The following PPP2R2A variants were observed in gnomAD, a reference collection of about 807,000 sequenced individuals.
The protein encoded by PPP2R2A is serine/threonine-protein phosphatase 2A 55 kDa regulatory subunit B alpha isoform.
In PPP2R2A, 9 loss-of-function variants were observed where a neutral mutation model predicts 53.2. That is an observed-to-expected ratio of 0.17 (90% CI 0.10 to 0.30). The LOEUF (loss-of-function observed/expected upper bound fraction) is 0.30, where lower values mean the gene tolerates loss of function less well. Ranked by LOEUF, PPP2R2A falls within the 10% of genes least tolerant of loss-of-function variation. PPP2R2A has a pLI of 1.00. For missense variants in PPP2R2A, 235 were observed against 534.6 expected, an observed-to-expected ratio of 0.44 and a Z score of 5.53; for synonymous variants, 169 against 174.2, an observed-to-expected ratio of 0.97 and a Z score of 0.23.
intron 2 of PPP2R2A, among the ~76,000 whole-genome samples, chr8:26,322,919 C>T (rs1802912644): frequency 6.6e-6 from 1 of 152,204 alleles, no homozygotes; most frequent in Non-Finnish European, 1.5e-5. Context: ...ACTAAAAAGT[C>T]TCCAAGTCAC....
intron 3 of PPP2R2A, among the ~76,000 whole-genome samples, chr8:26,351,460 C>CT (rs1804508340): frequency 1.3e-5 from 2 of 152,120 alleles, no homozygotes; most frequent in African/African-American, 4.8e-5. Context: ...CAGTGTGTGC[C>CT]TAGTGCTCAA....
intron 2 of PPP2R2A, among the ~76,000 whole-genome samples, chr8:26,307,760 G>A (rs916032701): frequency 5.3e-5 from 8 of 152,212 alleles, no homozygotes; most frequent in South Asian, 2.1e-4. Flanking sequence ...GCATTATCTC[G>A]TTTAATCCTC....
At position 26,291,819 on chromosome 8, in the gene PPP2R2A, C is replaced by A. The variant is rs768442032; in HGVS notation, c.-1C>A. On this transcript the variant is annotated 5_prime_UTR_variant, in exon 1 of 10. Coordinates refer to ENST00000380737, the MANE Select transcript of PPP2R2A (RefSeq NM_002717.4). The stretch of plus-strand genomic sequence containing the variant: ...AGCAGGGTCACCATTTGCAGCGCAA[C>A]ATGGCAGGTAAAGGAGAAATCCCCC... The A allele has an allele frequency of 1.6e-5, 26 of 1,609,540 alleles. No homozygotes were observed. The highest frequency in any genetic ancestry group is 2.2e-5 in the Non-Finnish European group (26 of 1,178,326).
At chr8:26,312,530 C>G (rs947812421) in intron 2 of PPP2R2A, among the ~76,000 whole-genome samples, 4 of 152,178 alleles carry the variant, frequency 2.6e-5, no homozygotes, top group African/African-American at 9.7e-5. Context: ...ATAAATAGAT[C>G]TATTGTGCTG....
chr8:26,317,145 A>C (rs1802602416), intron 2 of PPP2R2A, among the ~76,000 whole-genome samples: 1 of 152,102 alleles, frequency 6.6e-6, no homozygotes, highest in East Asian at 1.9e-4. Context: ...CATTCCTGTC[A>C]TTCTCCCCTT....
chr8:26,319,635 G>A (rs899983101), intron 2 of PPP2R2A, among the ~76,000 whole-genome samples: 3 of 151,910 alleles, frequency 2.0e-5, no homozygotes, highest in Non-Finnish European at 2.9e-5. Context: ...CCATTCGTTG[G>A]TCTTGGCAGC....
chr8:26,360,262 C>A lies in PPP2R2A; in HGVS notation c.440C>A (p.Thr147Asn). Residue 147 changes from threonine to asparagine, a missense_variant, in exon 5 of 10, where the codon ACT (threonine) becomes AAT (asparagine). Physicochemically the swap from Thr to Asn is moderately conservative, Grantham distance 65. Transcript: ENST00000380737. The surrounding 1 kb of genome is among the most constrained non-coding windows in gnomAD (Gnocchi z 4.5). ...GAGGATGGAAGGTATAGAGATCCTA[C>A]TACAGTTACTACACTACGAGTAAGT... ...KEEDGRYRDP[T>N]TVTTLRVPVF... 1.3e-6 allele frequency: 2 copies of A among 1,595,288 alleles called. No individual in the cohort carries two copies. The highest frequency in any genetic ancestry group is 1.7e-6 in the Non-Finnish European group (2 of 1,165,538).
chr8:26,291,864 C>T (rs751394225), intron 1 of PPP2R2A, 38 bp downstream of exon 1: 1 of 1,606,922 alleles, frequency 6.2e-7, no homozygotes, highest in Non-Finnish European at 8.5e-7. Flanking sequence ...GACAAGGCAC[C>T]GCTTCCTTAT....
chr8:26,336,733 TAGCC>T (rs1408680237), intron 2 of PPP2R2A, among the ~76,000 whole-genome samples: 6 of 151,902 alleles, frequency 3.9e-5, no homozygotes, highest in Non-Finnish European at 8.8e-5. Context: ...TTTTAAAAAT[TAGCC>T]AGGTATGGTG....
intron 2 of PPP2R2A, among the ~76,000 whole-genome samples, chr8:26,308,915 C>T (rs1334680258): frequency 6.6e-6 from 1 of 152,010 alleles, no homozygotes; most frequent in African/African-American, 2.4e-5. Flanking sequence ...GGCTGCAGTG[C>T]AGTGGTGTGA....
chr8:26,318,789 A>G (rs984760288), intron 2 of PPP2R2A, among the ~76,000 whole-genome samples: 3 of 152,224 alleles, frequency 2.0e-5, no homozygotes, highest in African/African-American at 4.8e-5. Context: ...CATTAAGCCA[A>G]TGAATTAACT....
chr8:26,340,403 A>T (rs1012479250), intron 3 of PPP2R2A, among the ~76,000 whole-genome samples: 12 of 152,064 alleles, frequency 7.9e-5, no homozygotes, highest in African/African-American at 1.9e-4. Context: ...AGTTTAGAGC[A>T]GACCTTCCCA....
At chr8:26,339,019 A>G (rs1251498153) in intron 3 of PPP2R2A, 32 bp downstream of exon 3, 2 of 1,504,598 alleles carry the variant, frequency 1.3e-6, no homozygotes, top group East Asian at 4.5e-5. Flanking sequence ...TCTAAATTTC[A>G]GTTTGATCTT....
At chr8:26,358,881 G>C (rs984347341) in intron 4 of PPP2R2A, 15 of 455,596 alleles carry the variant, frequency 3.3e-5, no homozygotes, top group Non-Finnish European at 6.2e-5. Flanking sequence ...TCCCTACAGG[G>C]AGTATAACTT....
chr8:26,321,532 T>C lies in PPP2R2A; in HGVS notation c.83-17358T>C, dbSNP rs1444238325. 6.6e-6 allele frequency among the ~76,000 whole-genome samples: 1 copy of C among 152,190 alleles called. No individual in the cohort carries two copies. Among genetic ancestry groups the C allele is most frequent in the East Asian group, 1.9e-4 (1 of 5,198 alleles). On this transcript the variant is annotated intron_variant, in intron 2 of 9. Transcript: ENST00000380737. The surrounding 1 kb of genome is among the most constrained non-coding windows in gnomAD (Gnocchi z 4.1). ...CTTCAGAGGTTAGGTTACAGAAAGG[T>C]TTTGGCATCCATGTTGGGCTGCCCT...
rs529150392 is a variant in PPP2R2A at position 26,303,993 on chromosome 8, G to A, written c.82+10253G>A. On this transcript the variant is annotated intron_variant, in intron 2 of 9. Transcript: ENST00000380737. Reference sequence around the variant, plus strand: ...TGGAGTTTTCTCTTCTAGAATCTTCGAATGATCTCTCTTTTTCCAGTTCAC... The same window carrying A: ...TGGAGTTTTCTCTTCTAGAATCTTCAAATGATCTCTCTTTTTCCAGTTCAC... Among the ~76,000 whole-genome samples the A allele has an allele frequency of 1.1e-4, 17 of 152,240 alleles. No individual in the cohort carries two copies. In the East Asian group the frequency reaches 3.3e-3, roughly 29 times the overall value.
chr8:26,328,102 G>C (rs1803186181), intron 2 of PPP2R2A, among the ~76,000 whole-genome samples: 1 of 152,154 alleles, frequency 6.6e-6, no homozygotes, highest in African/African-American at 2.4e-5. Flanking sequence ...TAAAATTTCT[G>C]AGTAAGCTAA....
intron 2 of PPP2R2A, among the ~76,000 whole-genome samples, chr8:26,301,697 A>G (rs1484143552): frequency 6.6e-6 from 1 of 152,204 alleles, no homozygotes; most frequent in African/African-American, 2.4e-5. Context: ...TGCCATCAAA[A>G]TTGATATCAT....
At chr8:26,339,081 TTTAAA>T (rs1803808711) in intron 3 of PPP2R2A, 94 bp downstream of exon 3, 1 of 954,200 alleles carries the variant, frequency 1.0e-6, no homozygotes, top group Admixed American at 2.3e-5. Flanking sequence ...ATGTTGGAAT[TTTAAA>T]AGAAGTGTGT....
Sources: allele counts gnomAD v4.1 joint callset (sites outside exome capture counted in the v4.1 genomes callset), GRCh38; gene constraint gnomAD v4.1.1; non-coding constraint Gnocchi (gnomAD v3.1); transcripts MANE v1.5; gene names NCBI Gene and HGNC (gene_info 2026-07-23, HGNC 2026-07-21).